Variants in PRIM2 observed in about 807,000 individuals in gnomAD.
PRIM2 encodes the protein DNA primase subunit 2, also known as DNA primase large subunit.
A neutral mutation model predicts 67.3 loss-of-function variants in PRIM2; 39 were observed. The observed-to-expected ratio is 0.58, with a 90% CI of 0.45 to 0.76. The LOEUF (loss-of-function observed/expected upper bound fraction) is 0.76. Among genes scored for constraint, PRIM2 ranks in the 30% least tolerant of loss-of-function variants. PRIM2 has a pLI of 0.00. For missense variants in PRIM2, 398 were observed against 598.7 expected, an observed-to-expected ratio of 0.66 and a Z score of 3.50; for synonymous variants, 143 against 198.7, an observed-to-expected ratio of 0.72 and a Z score of 2.36.
chr6:57,302,000 C>T, the PRIM2 span, among the ~76,000 whole-genome samples: 4 of 152,120 alleles, frequency 2.6e-5, no homozygotes, highest in African/African-American at 4.8e-5. Flanking sequence ...GAAGACATTC[C>T]TATTTACTGG....
At chr6:57,408,543 C>G (rs1407874002) in intron 7 of PRIM2, among the ~76,000 whole-genome samples, 2 of 151,910 alleles carry the variant, frequency 1.3e-5, no homozygotes, top group African/African-American at 4.8e-5. Flanking sequence ...CAATAAATAG[C>G]CTTTAGCATT....
At chr6:57,483,209 AT>A (rs1359870386) in intron 7 of PRIM2, among the ~76,000 whole-genome samples, 25 of 151,724 alleles carry the variant, frequency 1.6e-4, no homozygotes, top group East Asian at 3.9e-4. Flanking sequence ...CGCCCGGATG[AT>A]TTTTTTTTAT....
intron 12 of PRIM2, among the ~76,000 whole-genome samples, chr6:57,608,899 A>G (rs1451162913): frequency 4.6e-5 from 7 of 152,208 alleles, no homozygotes; most frequent in Non-Finnish European, 1.0e-4. Context: ...CTCTCTAACC[A>G]AGCAGAATTA....
intron 7 of PRIM2, among the ~76,000 whole-genome samples, chr6:57,437,289 C>T (rs1772043229): frequency 6.6e-6 from 1 of 152,258 alleles, no homozygotes; most frequent in African/African-American, 2.4e-5. Context: ...CCACCTCCAA[C>T]AATGGGGACT....
chr6:57,452,436 C>T (rs1454296700), intron 7 of PRIM2, among the ~76,000 whole-genome samples: 1 of 152,220 alleles, frequency 6.6e-6, no homozygotes, highest in Non-Finnish European at 1.5e-5. Flanking sequence ...CACATCCTCT[C>T]CAGCATCTGT....
chr6:57,473,311 C>CA (rs1355307612), intron 7 of PRIM2, among the ~76,000 whole-genome samples: 1 of 152,154 alleles, frequency 6.6e-6, no homozygotes, highest in African/African-American at 2.4e-5. Flanking sequence ...AAGCATTAAT[C>CA]AAAAAGTATT....
chr6:57,234,955 C>G, the PRIM2 span, among the ~76,000 whole-genome samples: 8 of 152,130 alleles, frequency 5.3e-5, no homozygotes, highest in Non-Finnish European at 7.4e-5. Flanking sequence ...AGAGGATCGT[C>G]GGAGCCAAGG....
intron 7 of PRIM2, among the ~76,000 whole-genome samples, chr6:57,405,329 T>G (rs2127359312): frequency 6.6e-6 from 1 of 151,346 alleles, no homozygotes; most frequent in South Asian, 2.1e-4. Context: ...GATAAAGTGC[T>G]GAGAGTGTAA....
intron 7 of PRIM2, among the ~76,000 whole-genome samples, chr6:57,490,369 TTTTTTCA>T (rs1773861468): frequency 6.6e-6 from 1 of 152,086 alleles, no homozygotes; most frequent in African/African-American, 2.4e-5. Context: ...TTTTGGCCAT[TTTTTTCA>T]TGTATGTTTC....
chr6:57,424,304 A>G (rs1581891790), intron 7 of PRIM2, among the ~76,000 whole-genome samples: 2 of 152,218 alleles, frequency 1.3e-5, no homozygotes, highest in East Asian at 3.8e-4. Context: ...AAAAGATAGT[A>G]CATTTCTAGC....
chr6:57,345,666 T>G (rs1167601361), intron 5 of PRIM2, among the ~76,000 whole-genome samples: 1 of 152,174 alleles, frequency 6.6e-6, no homozygotes, highest in Non-Finnish European at 1.5e-5. Flanking sequence ...TTGGATCTTG[T>G]GCAAGAAAGA....
At chr6:57,335,167 G>A (rs866874259) in intron 5 of PRIM2, among the ~76,000 whole-genome samples, 3 of 152,162 alleles carry the variant, frequency 2.0e-5, no homozygotes, top group Admixed American at 6.5e-5. Flanking sequence ...CTTAAAAAAC[G>A]GCGCACCAGG....
intron 10 of PRIM2, among the ~76,000 whole-genome samples, chr6:57,566,958 TAA>T: frequency 6.6e-6 from 1 of 152,254 alleles, no homozygotes; most frequent in East Asian, 1.9e-4. Context: ...AAGAGGATCC[TAA>T]TAGTATCTGT....
intron 13 of PRIM2, among the ~76,000 whole-genome samples, chr6:57,635,668 C>G (rs1777108791): frequency 6.6e-6 from 1 of 152,128 alleles, no homozygotes; most frequent in South Asian, 2.1e-4. Context: ...ACACATTTTC[C>G]TGCAATCTTA....
At chr6:57,492,727 A>G (rs1203051930) in intron 7 of PRIM2, among the ~76,000 whole-genome samples, 2 of 152,072 alleles carry the variant, frequency 1.3e-5, no homozygotes, top group African/African-American at 4.8e-5. Context: ...GGCATATCTC[A>G]ATTTGGACTA....
Position 57,351,776 on chromosome 6 carries a change from T to A in PRIM2, c.459+25731T>A, listed in dbSNP as rs556198592. Among the ~76,000 whole-genome samples, 264 of 152,236 alleles carry A rather than the reference T, an allele frequency of 1.7e-3. 3 individuals are homozygous for A. Among genetic ancestry groups the A allele is most frequent in the African/African-American group, 6.0e-3 (248 of 41,520 alleles). ...TTAGGTTGAGTTCAGGAGATCGTTG[T>A]TGAAAGTATATAATCACAATATCAC... is the stretch of plus-strand genomic sequence containing the variant. On this transcript the variant is annotated intron_variant, in intron 5 of 13. Transcript: ENST00000615550.
chr6:57,449,579 C>G (rs1370882299), intron 7 of PRIM2, among the ~76,000 whole-genome samples: 5 of 152,050 alleles, frequency 3.3e-5, no homozygotes, highest in African/African-American at 1.2e-4. Context: ...TGAAATATTG[C>G]ATTTTTATTC....
At chr6:57,450,289 T>C (rs1772501164) in intron 7 of PRIM2, among the ~76,000 whole-genome samples, 1 of 152,218 alleles carries the variant, frequency 6.6e-6, no homozygotes, top group Non-Finnish European at 1.5e-5. Context: ...TGGTGTCTAA[T>C]ACTCAGAAAC....
intron 10 of PRIM2, among the ~76,000 whole-genome samples, chr6:57,552,328 A>C (rs1245723513): frequency 6.6e-6 from 1 of 152,070 alleles, no homozygotes; most frequent in African/African-American, 2.4e-5. Context: ...CATTTAAAAC[A>C]AGGTACCAGG....
Sources: gnomAD v4.1 joint callset for allele counts (sites outside exome capture counted in the v4.1 genomes callset) on GRCh38, gnomAD v4.1.1 for gene constraint, MANE v1.5 for transcripts, NCBI Gene and HGNC (gene_info 2026-07-23, HGNC 2026-07-21) for gene names.